The following ADAM7 variants were observed in gnomAD, a reference collection of about 807,000 sequenced individuals.
The protein encoded by ADAM7 is disintegrin and metalloproteinase domain-containing protein 7.
ADAM7 carries 97 observed loss-of-function variants against 102.9 expected under a neutral mutation model. The ratio of observed to expected loss-of-function variants is 0.94; its 90% CI spans 0.80 to 1.12. ADAM7 has a LOEUF of 1.12. Among genes scored for constraint, ADAM7 ranks in the 50% most tolerant of loss-of-function variants. The pLI, the probability that ADAM7 is intolerant of heterozygous loss-of-function variation, is 0.00. For missense variants in ADAM7, 991 were observed against 908.7 expected (o/e 1.09, Z -1.16); for synonymous variants, 334 against 304.4 (o/e 1.10, Z -1.01).
chr8:24,468,866 A>G, intron 7 of ADAM7, 46 bp downstream of exon 7: 1 of 1,515,036 alleles, frequency 6.6e-7, no homozygotes, highest in Non-Finnish European at 9.2e-7. Flanking sequence ...TCCTTTTGGA[A>G]CTTGTAGTTA....
chr8:24,464,756 G>A (rs1463752130), intron 4 of ADAM7, among the ~76,000 whole-genome samples: 2 of 148,682 alleles, frequency 1.3e-5, no homozygotes, highest in East Asian at 2.0e-4. Context: ...GCATGCCACC[G>A]TGCCCAGCTA....
intron 3 of ADAM7, among the ~76,000 whole-genome samples, chr8:24,455,555 C>T (rs1159827776): frequency 6.6e-6 from 1 of 152,148 alleles, no homozygotes; most frequent in African/African-American, 2.4e-5. Flanking sequence ...ACTACAGGCA[C>T]ATGCCACCAC....
At chr8:24,500,559 G>A (rs1820724302) in intron 18 of ADAM7, among the ~76,000 whole-genome samples, 2 of 152,138 alleles carry the variant, frequency 1.3e-5, no homozygotes, top group African/African-American at 4.8e-5. Context: ...CCTGATGATT[G>A]TGGTTCCCTT....
intron 2 of ADAM7, among the ~76,000 whole-genome samples, chr8:24,446,409 C>G (rs1818559751): frequency 6.6e-6 from 1 of 152,084 alleles, no homozygotes. Flanking sequence ...ACAGAAACTG[C>G]TATAAATTGA....
Position 24,493,085 on chromosome 8 carries a change from T to A in ADAM7, c.1698T>A (p.Leu566=). Residue 566 remains leucine (L), a synonymous_variant, in exon 16 of 22, where the codon CTT becomes CTA. Coordinates refer to ENST00000175238, the MANE Select transcript of ADAM7 (RefSeq NM_003817.4). ...CGKIYCTGGE[L]SSLLGEDKTY... is the part of the protein sequence containing the mutation. ...AGATCTACTGCACTGGAGGGGAGCT[T>A]TCCTCTCTCCTTGGAGAAGACAAGA... is the stretch of plus-strand genomic sequence containing the variant. 6.2e-7 allele frequency: 1 copy of A among 1,610,322 alleles called. No homozygotes were observed. The highest frequency in any genetic ancestry group is 8.5e-7 in the Non-Finnish European group (1 of 1,178,482).
chr8:24,496,325 T>A (rs1244748136), intron 16 of ADAM7, among the ~76,000 whole-genome samples: 2 of 152,224 alleles, frequency 1.3e-5, no homozygotes, highest in Admixed American at 1.3e-4. Context: ...GGGGCCCTCA[T>A]GGAGAATCTC....
intron 3 of ADAM7, among the ~76,000 whole-genome samples, chr8:24,450,157 T>G (rs1347085609): frequency 2.0e-5 from 3 of 152,284 alleles, no homozygotes; most frequent in Admixed American, 6.5e-5. Context: ...CCATATCAAC[T>G]TTAAAGTAGT....
At chr8:24,491,261 A>G (rs965584123) in intron 13 of ADAM7, among the ~76,000 whole-genome samples, 1 of 152,214 alleles carries the variant, frequency 6.6e-6, no homozygotes, top group African/African-American at 2.4e-5. Context: ...GTGGCTAGTA[A>G]GTGGAGAAAC....
In ADAM7 at chr8:24,495,481, G is replaced by A. The variant is rs530878444; in HGVS notation, c.1842+2252G>A. On this transcript the variant is annotated intron_variant, in intron 16 of 21. Coordinates refer to ENST00000175238, the MANE Select transcript of ADAM7 (RefSeq NM_003817.4). ...AAGAGCCAAATGGAAATTTTAGAAC[G>A]GAAAAATTACAATACTGGAATAAAA... Among the ~76,000 whole-genome samples, 4 of 151,984 alleles carry A rather than the reference G, an allele frequency of 2.6e-5. No homozygotes were observed. The East Asian group carries it at 5.8e-4, about 22-fold the overall frequency.
chr8:24,507,489 A>C lies in ADAM7; in HGVS notation c.2218A>C (p.Ser740Arg). ...AATTTATTTATTATAGAAACCTGCA[A>C]GTAAAGATTCAAGAGGAATCGCAGA... ...PEIHFLNKPA[S>R]KDSRGIADPN... The change falls in exon 21 of 22, where the codon AGT becomes CGT. Residue 740 changes from serine (S) to arginine (R), a missense_variant. Physicochemically the swap from Ser to Arg is moderately radical, Grantham distance 110 (BLOSUM62 -1). Coordinates refer to ENST00000175238, the MANE Select transcript of ADAM7 (RefSeq NM_003817.4). 1 of 1,612,468 alleles carries C rather than the reference A, an allele frequency of 6.2e-7. No homozygotes were observed. The highest frequency in any genetic ancestry group is 8.5e-7 in the Non-Finnish European group (1 of 1,178,666).
At chr8:24,508,490 A>T in intron 21 of ADAM7, 56 bp from the exon 22 acceptor site, 1 of 1,554,260 alleles carries the variant, frequency 6.4e-7, no homozygotes, top group South Asian at 1.1e-5. Context: ...ATGGAAATAC[A>T]TGGTTCACAG....
intron 12 of ADAM7, among the ~76,000 whole-genome samples, chr8:24,489,633 A>T (rs1418098296): frequency 6.6e-6 from 1 of 152,124 alleles, no homozygotes; most frequent in Non-Finnish European, 1.5e-5. Context: ...CTTAAGTCTG[A>T]TGTCTCATGC....
intron 10 of ADAM7, among the ~76,000 whole-genome samples, chr8:24,486,943 A>G (rs1820163944): frequency 2.6e-5 from 4 of 152,208 alleles, no homozygotes; most frequent in Admixed American, 1.3e-4. Context: ...GACTATCACC[A>G]TGCCACAAAG....
At position 24,477,571 on chromosome 8, in the gene ADAM7, T is replaced by TGTGTGA. The variant is rs746188074; in HGVS notation, c.705+1072_705+1073insAGTGTG. Among the ~76,000 whole-genome samples the TGTGTGA allele has an allele frequency of 1.7e-4, 26 of 150,672 alleles. No homozygotes were observed. The South Asian group carries it at 4.9e-3, about 28-fold the overall frequency. On this transcript the variant is annotated intron_variant, in intron 8 of 21. Transcript: ENST00000175238. Reference sequence around the variant, plus strand: ...TGTCCCTTGGGCATACCCTCATCAGTGTGTGTGTGTGTGTGTGTGTGTGGT... The same window carrying TGTGTGA: ...TGTCCCTTGGGCATACCCTCATCAGTGTGTGAGTGTGTGTGTGTGTGTGTGTGTGGT...
chr8:24,463,830 G>A (rs767278717), intron 3 of ADAM7, 52 bp from the exon 4 acceptor site: 7 of 1,460,556 alleles, frequency 4.8e-6, no homozygotes, highest in Middle Eastern at 3.5e-4. Flanking sequence ...GGTTTTATCT[G>A]TCAGGTTTTT....
intron 7 of ADAM7, 66 bp downstream of exon 7, chr8:24,468,886 C>A: frequency 7.0e-7 from 1 of 1,427,176 alleles, no homozygotes; most frequent in Non-Finnish European, 9.8e-7. Flanking sequence ...ATCATTCTAG[C>A]ATAGAGAGAA....
chr8:24,447,133 G>A lies in ADAM7; in HGVS notation c.157-53G>A. The A allele has an allele frequency of 4.7e-6, 5 of 1,073,480 alleles. No individual in the cohort carries two copies. In the South Asian group the frequency reaches 8.4e-5, roughly 18 times the overall value. The allele number at this position is 1,073,480 out of a possible 1,614,324, so 66.5% of individuals were successfully genotyped here. ...TTCACCCAAAGCACTACTTGCTCCA[G>A]AACACACTAAATGAGCCCATGTTGA... On this transcript the variant is annotated intron_variant, in intron 2 of 21. Transcript: ENST00000175238.
intron 19 of ADAM7, 28 bp downstream of exon 19, chr8:24,500,923 A>T (rs767159303): frequency 1.3e-5 from 20 of 1,553,476 alleles, no homozygotes; most frequent in Non-Finnish European, 1.4e-5. Context: ...TATGTGTTGA[A>T]GAAGGGAATT....
At chr8:24,467,191 GA>G in intron 6 of ADAM7, 1 of 601,150 alleles carries the variant, frequency 1.7e-6, no homozygotes, top group Non-Finnish European at 2.9e-6. Context: ...TCAGTTTCAA[GA>G]AAGGATGATT....
Sources: gnomAD v4.1 joint callset for allele counts (sites outside exome capture counted in the v4.1 genomes callset) on GRCh38, gnomAD v4.1.1 for gene constraint, MANE v1.5 for transcripts, NCBI Gene and HGNC (gene_info 2026-07-23, HGNC 2026-07-21) for gene names.